Variants in NUDCD3 observed in about 807,000 individuals in gnomAD.
NUDCD3 encodes the protein NudC domain containing 3.
A neutral mutation model predicts 39.7 loss-of-function variants in NUDCD3; 13 were observed. The observed-to-expected ratio is 0.33, with a 90% confidence interval of 0.21 to 0.52. The LOEUF is 0.52. Ranked by LOEUF, NUDCD3 falls within the 20% of genes least tolerant of loss-of-function variation. NUDCD3 has a pLI of 0.96. For missense variants in NUDCD3, 453 were observed against 458.1 expected (o/e 0.99, Z 0.10); for synonymous variants, 175 against 172.4 (o/e 1.02, Z -0.12).
At chr7:44,403,887 C>T (rs1022361006) in intron 4 of NUDCD3, among the ~76,000 whole-genome samples, 11 of 152,176 alleles carry the variant, frequency 7.2e-5, no homozygotes, top group Non-Finnish European at 1.5e-4. Context: ...CACTTGGGCA[C>T]CAGCACAGAG....
At chr7:44,476,406 A>T (rs1800370043) in intron 2 of NUDCD3, among the ~76,000 whole-genome samples, 1 of 152,230 alleles carries the variant, frequency 6.6e-6, no homozygotes, top group South Asian at 2.1e-4. Flanking sequence ...CGATTAGGTC[A>T]TAAGGGCAGA....
At chr7:44,414,825 A>G (rs555444602) in intron 3 of NUDCD3, among the ~76,000 whole-genome samples, 1 of 152,350 alleles carries the variant, frequency 6.6e-6, no homozygotes, top group South Asian at 2.1e-4. Flanking sequence ...CACAAATTCC[A>G]GCACTTACAT....
intron 2 of NUDCD3, among the ~76,000 whole-genome samples, chr7:44,484,266 G>T (rs1235251026): frequency 6.6e-6 from 1 of 152,174 alleles, no homozygotes; most frequent in African/African-American, 2.4e-5. Context: ...TGTAAGGAAG[G>T]ACTGTATAAC....
chr7:44,394,739 C>T (rs1289133080), intron 4 of NUDCD3, among the ~76,000 whole-genome samples: 3 of 152,218 alleles, frequency 2.0e-5, no homozygotes, highest in Non-Finnish European at 4.4e-5. Context: ...CAAAGCAGAG[C>T]TACACTGGGG....
intron 3 of NUDCD3, among the ~76,000 whole-genome samples, chr7:44,407,399 C>A (rs1798846325): frequency 6.6e-6 from 1 of 151,694 alleles, no homozygotes. Flanking sequence ...AACCCCGTCT[C>A]TACCAAAAAT....
chr7:44,443,233 A>T (rs1424487248), intron 2 of NUDCD3, among the ~76,000 whole-genome samples: 1 of 151,778 alleles, frequency 6.6e-6, no homozygotes, highest in Non-Finnish European at 1.5e-5. Context: ...CACATTCAAT[A>T]TAAAAAAAAA....
At chr7:44,461,048 T>C (rs961473575) in intron 2 of NUDCD3, among the ~76,000 whole-genome samples, 1 of 152,240 alleles carries the variant, frequency 6.6e-6, no homozygotes, top group Non-Finnish European at 1.5e-5. Context: ...ACTCTGCTTA[T>C]CTCAAAACGC....
chr7:44,398,707 G>A (rs1208158374), intron 4 of NUDCD3, among the ~76,000 whole-genome samples: 4 of 152,158 alleles, frequency 2.6e-5, no homozygotes, highest in Non-Finnish European at 4.4e-5. Flanking sequence ...CAGCGAGGAC[G>A]ACTTTACTCC....
chr7:44,487,143 T>A (rs559880946), intron 1 of NUDCD3, among the ~76,000 whole-genome samples: 2 of 152,318 alleles, frequency 1.3e-5, no homozygotes, highest in East Asian at 3.9e-4. Context: ...CTAAACGATT[T>A]TTGTCTTAAA....
rs540425515 is a variant in NUDCD3, at chr7:44,482,839, C to G, written c.509+2129G>C. On this transcript the variant is annotated intron_variant, in intron 2 of 5. Coordinates refer to ENST00000355451, the MANE Select transcript of NUDCD3 (RefSeq NM_015332.4). The stretch of plus-strand genomic sequence containing the variant: ...GGAATTAGCAGATAAAGACTTTAAA[C>G]TATTGTAAGTATATTGAAGGATTTA... Among the ~76,000 whole-genome samples the G allele has an allele frequency of 2.0e-5, 3 of 152,136 alleles. No individual in the cohort carries two copies. The South Asian group carries it at 6.2e-4, about 32-fold the overall frequency.
intron 2 of NUDCD3, among the ~76,000 whole-genome samples, chr7:44,441,422 T>G (rs1280866322): frequency 2.0e-5 from 3 of 152,134 alleles, no homozygotes; most frequent in Non-Finnish European, 4.4e-5. Flanking sequence ...CCACCCAGTC[T>G]TCCAGGGAGA....
At chr7:44,418,485 A>G (rs17711527) in intron 3 of NUDCD3, among the ~76,000 whole-genome samples, 19,576 of 152,236 alleles carry the variant, frequency 0.13, 1,669 homozygotes, top group Non-Finnish European at 0.19. Context: ...CATTCATTCA[A>G]AAACTTATCC....
chr7:44,423,524 A>C (rs1005047394), intron 3 of NUDCD3, among the ~76,000 whole-genome samples: 1 of 152,228 alleles, frequency 6.6e-6, no homozygotes, highest in Non-Finnish European at 1.5e-5. Context: ...CCAAGTCATG[A>C]GTGAACTCCC....
intron 4 of NUDCD3, among the ~76,000 whole-genome samples, chr7:44,393,015 A>G (rs745370258): frequency 6.6e-6 from 1 of 152,058 alleles, no homozygotes; most frequent in Non-Finnish European, 1.5e-5. Context: ...GCTGGGACCT[A>G]TGAGACTTAG....
chr7:44,466,055 C>A (rs540075001), intron 2 of NUDCD3, among the ~76,000 whole-genome samples: 1 of 152,152 alleles, frequency 6.6e-6, no homozygotes, highest in African/African-American at 2.4e-5. Context: ...CACAGCCACC[C>A]AACATGAGAC....
chr7:44,424,496 T>A (rs944529621), intron 3 of NUDCD3, among the ~76,000 whole-genome samples: 2 of 152,120 alleles, frequency 1.3e-5, no homozygotes, highest in Non-Finnish European at 2.9e-5. Context: ...AAGAGACACT[T>A]CTCAAAAGAA....
chr7:44,460,595 C>T (rs1332986005), intron 2 of NUDCD3, among the ~76,000 whole-genome samples: 3 of 152,064 alleles, frequency 2.0e-5, no homozygotes, highest in Non-Finnish European at 4.4e-5. Context: ...AAAAAATTTA[C>T]CACTGACTAC....
At chr7:44,414,155 G>A (rs1798979505) in intron 3 of NUDCD3, among the ~76,000 whole-genome samples, 1 of 152,000 alleles carries the variant, frequency 6.6e-6, no homozygotes, top group South Asian at 2.1e-4. Flanking sequence ...TTTATTAAAG[G>A]GCATTGTTTT....
intron 3 of NUDCD3, among the ~76,000 whole-genome samples, chr7:44,414,007 G>C (rs902108412): frequency 1.3e-5 from 2 of 150,516 alleles, no homozygotes; most frequent in Non-Finnish European, 3.0e-5. Flanking sequence ...AGCGGGCCAT[G>C]ATGGGTAACA....
Sources: gnomAD v4.1 joint callset for allele counts (sites outside exome capture counted in the v4.1 genomes callset) on GRCh38, gnomAD v4.1.1 for gene constraint, MANE v1.5 for transcripts, NCBI Gene and HGNC (gene_info 2026-07-23, HGNC 2026-07-21) for gene names.